The following ANK1 variants were observed in gnomAD, a reference collection of about 807,000 sequenced individuals.
ANK1 encodes ankyrin-1.
ANK1 carries 51 observed loss-of-function variants against 210.4 expected under a neutral mutation model. The observed-to-expected ratio is 0.24, with a 90% CI of 0.19 to 0.31. The LOEUF (loss-of-function observed/expected upper bound fraction) is 0.31. ANK1 is among the 10% of genes least tolerant of loss of function. ANK1 has a pLI of 1.00. For missense variants in ANK1, 2,051 were observed against 2,504.4 expected (o/e 0.82, Z 3.86); for synonymous variants, 967 against 1,025.9 (o/e 0.94, Z 1.10).
rs186010693 is a variant in ANK1 at position 41,708,678 on chromosome 8, A to T, written c.1998+100T>A. The T allele has an allele frequency of 1.2e-5, 15 of 1,299,956 alleles. No homozygotes were observed. In the East Asian group the frequency reaches 3.5e-4, roughly 30 times the overall value. The allele number at this position is 1,299,956 out of a possible 1,614,324, so 80.5% of individuals were successfully genotyped here. The stretch of plus-strand genomic sequence containing the variant: ...GCTGTTCCAAGGATTACACACACAC[A>T]CCCCTAACTCAGAACCTGGGCACAC... On this transcript the variant is annotated intron_variant, in intron 17 of 42. Transcript: ENST00000289734.
chr8:41,870,980 C>T (rs1201255247), intron 1 of ANK1, among the ~76,000 whole-genome samples: 1 of 152,196 alleles, frequency 6.6e-6, no homozygotes. Flanking sequence ...GTTCTCTCAA[C>T]AACCTCAACT....
intron 1 of ANK1, chr8:41,828,695 G>C (rs1028432324): frequency 2.0e-5 from 3 of 153,676 alleles, no homozygotes; most frequent in Non-Finnish European, 4.4e-5. Flanking sequence ...GCTGGAGAGG[G>C]GGCGCTCGTA....
At chr8:41,806,742 C>T (rs1851022546) in intron 1 of ANK1, among the ~76,000 whole-genome samples, 1 of 152,106 alleles carries the variant, frequency 6.6e-6, no homozygotes, top group South Asian at 2.1e-4. Context: ...TAGACTCTGT[C>T]TCAAAAGAAA....
chr8:41,727,212 G>T (rs926015081), intron 5 of ANK1, 38 bp downstream of exon 5: 1 of 1,532,420 alleles, frequency 6.5e-7, no homozygotes, highest in South Asian at 1.1e-5. Context: ...ACACCTGGGA[G>T]ACTTCTGGTG....
intron 39 of ANK1, chr8:41,664,763 GC>G (rs1467365291): frequency 8.4e-6 from 13 of 1,553,024 alleles, no homozygotes; most frequent in Non-Finnish European, 1.1e-5. Context: ...GGCCTCCGGC[GC>G]CCACACCACC....
In ANK1 at chr8:41,694,556, C is replaced by A. The variant is rs375713465; in HGVS notation, c.3327+36G>T. On this transcript the variant is annotated intron_variant, in intron 28 of 42. Coordinates refer to ENST00000289734, the MANE Select transcript of ANK1 (RefSeq NM_000037.4). This position sits in a 1 kb window ranked among gnomAD's most constrained non-coding sequence, Gnocchi z 5.7. ...CCTTCCCGGAGGCCTGGAGTTCAGT[C>A]CACCCCCAGGACCTGGCGGGGAGGA... 2.5e-6 allele frequency: 4 copies of A among 1,596,160 alleles called. No individual in the cohort carries two copies. The highest frequency in any genetic ancestry group is 3.4e-6 in the Non-Finnish European group (4 of 1,168,864).
intron 1 of ANK1, among the ~76,000 whole-genome samples, chr8:41,836,350 G>A (rs191826489): frequency 1.3e-5 from 2 of 152,272 alleles, no homozygotes; most frequent in Non-Finnish European, 2.9e-5. Flanking sequence ...ATTGAGCAAG[G>A]TTTCCATTCT....
intron 1 of ANK1, among the ~76,000 whole-genome samples, chr8:41,838,944 G>A (rs1270205006): frequency 6.6e-6 from 1 of 152,042 alleles, no homozygotes; most frequent in East Asian, 1.9e-4. Context: ...CGGCATGATG[G>A]TGCATGCCTG....
chr8:41,842,162 C>T (rs1034254033), intron 1 of ANK1, among the ~76,000 whole-genome samples: 2 of 152,166 alleles, frequency 1.3e-5, no homozygotes, highest in African/African-American at 2.4e-5. Context: ...GGAAGTAAAG[C>T]GTTGCTCCCT....
At chr8:41,713,618 C>A (rs906444506) in intron 16 of ANK1, among the ~76,000 whole-genome samples, 1 of 152,230 alleles carries the variant, frequency 6.6e-6, no homozygotes, top group Non-Finnish European at 1.5e-5. Context: ...TGGAGATGAT[C>A]ATTCTCATTT....
At chr8:41,815,985 T>C (rs1803253535) in intron 1 of ANK1, among the ~76,000 whole-genome samples, 2 of 152,210 alleles carry the variant, frequency 1.3e-5, no homozygotes. Flanking sequence ...TCGAAGGGTA[T>C]ACTTACCAAA....
At chr8:41,848,800 G>A (rs962764887) in intron 1 of ANK1, among the ~76,000 whole-genome samples, 7 of 152,102 alleles carry the variant, frequency 4.6e-5, no homozygotes, top group African/African-American at 9.7e-5. Context: ...ATTGGTATCC[G>A]CATTTTACAA....
intron 37 of ANK1, among the ~76,000 whole-genome samples, chr8:41,673,372 T>A (rs558730412): frequency 1.3e-5 from 2 of 152,252 alleles, no homozygotes; most frequent in African/African-American, 4.8e-5. Context: ...TTCTCAGGGA[T>A]GTACCTTAAA....
intron 1 of ANK1, among the ~76,000 whole-genome samples, chr8:41,772,096 C>T (rs1239251661): frequency 6.6e-6 from 1 of 152,300 alleles, no homozygotes; most frequent in East Asian, 1.9e-4. Context: ...CCCCAGGATT[C>T]GAGAGAAGGG....
rs567901178 is a variant in ANK1, at chr8:41,654,016, T to C, written c.*1774A>G. ...ACAGGCCCCGCGGCCAGGGGGCCTC[T>C]GACGTGGAGGGGGCTTCTGTGCTAC... On this transcript the variant is annotated 3_prime_UTR_variant, in exon 43 of 43. Coordinates refer to ENST00000289734, the MANE Select transcript of ANK1 (RefSeq NM_000037.4). 1 of 152,302 alleles carries C rather than the reference T, an allele frequency of 6.6e-6. No homozygotes were observed. The highest frequency in any genetic ancestry group is 2.4e-5 in the African/African-American group (1 of 41,554). The allele number at this position is 152,302 out of a possible 1,614,324, so 9.4% of individuals were successfully genotyped here. A position where few individuals can be genotyped will look rare whatever the true frequency, so the allele number is the denominator to read the frequency against.
intron 1 of ANK1, among the ~76,000 whole-genome samples, chr8:41,821,532 A>T (rs2150789449): frequency 6.6e-6 from 1 of 152,328 alleles, no homozygotes; most frequent in East Asian, 1.9e-4. Flanking sequence ...CCCTGAACAC[A>T]TGCATGCGTC....
intron 3 of ANK1, among the ~76,000 whole-genome samples, chr8:41,731,813 C>T (rs1343293705): frequency 6.6e-6 from 1 of 152,236 alleles, no homozygotes; most frequent in Non-Finnish European, 1.5e-5. Flanking sequence ...AGCGCTGAAG[C>T]CTCGTGTTTC....
In ANK1 at chr8:41,723,588, T is replaced by A. The variant is rs1312148360; in HGVS notation, c.757A>T (p.Ile253Phe). Residue 253 changes from isoleucine to phenylalanine, a missense_variant, in exon 8 of 43, where the codon ATC (isoleucine) becomes TTC (phenylalanine). Ile to Phe is a conservative substitution (Grantham distance 21). This residue lies in a region of ANK1 where 1,413 missense variants were observed against 1,707.4 expected (regional missense o/e 0.83). Coordinates refer to ENST00000289734, the MANE Select transcript of ANK1 (RefSeq NM_000037.4). ...LHIASRRGNV[I>F]MVRLLLDRGA... ...CGATCCAGCAGCAGCCGCACCATGATCACGTTGCCCCTGCGGGAGGCGATG... is the reference window on the plus strand; with the variant it reads ...CGATCCAGCAGCAGCCGCACCATGAACACGTTGCCCCTGCGGGAGGCGATG... 1.2e-6 allele frequency: 2 copies of A among 1,613,790 alleles called. No individual in the cohort carries two copies. Among genetic ancestry groups the A allele is most frequent in the Admixed American group, 1.7e-5 (1 of 60,000 alleles).
chr8:41,664,310 A>G (rs1269574450), intron 39 of ANK1: 1 of 371,930 alleles, frequency 2.7e-6, no homozygotes, highest in Non-Finnish European at 5.3e-6. Flanking sequence ...CATCTCTACA[A>G]AAATTTTTTT....
Sources: gnomAD v4.1 joint callset for allele counts (sites outside exome capture counted in the v4.1 genomes callset) on GRCh38, gnomAD v4.1.1 for gene constraint, gnomAD v4.1.1 regional missense constraint, Gnocchi (gnomAD v3.1) non-coding constraint, MANE v1.5 for transcripts, NCBI Gene and HGNC (gene_info 2026-07-23, HGNC 2026-07-21) for gene names.